The following LAMA2 variants were observed in gnomAD, a reference collection of about 807,000 sequenced individuals.
LAMA2 encodes laminin subunit alpha-2.
Under a neutral mutation model 364.8 loss-of-function variants are expected in LAMA2, and 269 were observed. That is an observed-to-expected ratio of 0.74 (90% CI 0.67 to 0.82). The LOEUF (loss-of-function observed/expected upper bound fraction) is 0.82. Among genes scored for constraint, LAMA2 ranks in the 40% least tolerant of loss-of-function variants. The probability of loss-of-function intolerance (pLI) is 0.00; values close to 1 mark genes in which losing one functional copy is unlikely to be tolerated. For synonymous variants in LAMA2, 1,379 were observed against 1,370.6 expected, an observed-to-expected ratio of 1.01 and a Z score of -0.14; for missense variants, 3,807 against 3,873.2, an observed-to-expected ratio of 0.98 and a Z score of 0.45.
At chr6:128,961,475 A>G (rs1275340757) in intron 1 of LAMA2, among the ~76,000 whole-genome samples, 1 of 148,604 alleles carries the variant, frequency 6.7e-6, no homozygotes, top group African/African-American at 2.5e-5. Flanking sequence ...AGGTCCCACA[A>G]TAGGCTGTCT....
chr6:129,502,750 A>G lies in LAMA2; in HGVS notation c.8336A>G (p.Asp2779Gly), dbSNP rs202202014. The G allele has an allele frequency of 6.2e-7, 1 of 1,612,712 alleles. No homozygotes were observed. The highest frequency in any genetic ancestry group is 2.2e-5 in the East Asian group (1 of 44,844). The change falls in exon 59 of 65, where the codon GAT (aspartate) becomes GGT (glycine). Residue 2779 changes from aspartate (D) to glycine (G), a missense_variant. Physicochemically the swap from Asp to Gly is moderately conservative, Grantham distance 94. Transcript: ENST00000421865. ...AACAGTCACATTGCAATTGCATTTG[A>G]TGACACCAAAGTTAAAAACCGGTAT... ...SRNSHIAIAFDDTKVKNRLTI... is the reference protein window; with the variant it reads ...SRNSHIAIAFGDTKVKNRLTI...
At chr6:129,431,301 A>T (rs1399603479) in intron 41 of LAMA2, among the ~76,000 whole-genome samples, 1 of 150,110 alleles carries the variant, frequency 6.7e-6, no homozygotes, top group African/African-American at 2.4e-5. Context: ...CAGGAGGCTG[A>T]GGTAGGAGAA....
At chr6:129,341,916 G>C (rs1306532345) in intron 29 of LAMA2, among the ~76,000 whole-genome samples, 1 of 152,232 alleles carries the variant, frequency 6.6e-6, no homozygotes, top group Non-Finnish European at 1.5e-5. Flanking sequence ...CCACTAGTGG[G>C]CATGTGCCAA....
chr6:129,199,052 A>C (rs1782019688), intron 12 of LAMA2, among the ~76,000 whole-genome samples: 1 of 152,164 alleles, frequency 6.6e-6, no homozygotes, highest in South Asian at 2.1e-4. Context: ...GACTATGAAG[A>C]AGAAAACCCC....
At chr6:129,140,680 C>T (rs1261835749) in intron 4 of LAMA2, among the ~76,000 whole-genome samples, 1 of 151,980 alleles carries the variant, frequency 6.6e-6, no homozygotes, top group African/African-American at 2.4e-5. Flanking sequence ...TGGAATTACA[C>T]TGTGCTGTGC....
At chr6:129,425,769 C>G (rs1047507055) in intron 40 of LAMA2, among the ~76,000 whole-genome samples, 1 of 152,042 alleles carries the variant, frequency 6.6e-6, no homozygotes, top group Non-Finnish European at 1.5e-5. Flanking sequence ...TGATTGCATT[C>G]GTTTTATGAC....
At chr6:129,017,910 T>C (rs970165610) in intron 1 of LAMA2, among the ~76,000 whole-genome samples, 9 of 152,066 alleles carry the variant, frequency 5.9e-5, no homozygotes, top group African/African-American at 2.2e-4. Flanking sequence ...AATGAAGTTA[T>C]TTTATGTTAG....
chr6:129,510,558 G>T lies in LAMA2; in HGVS notation c.8858-1805G>T, dbSNP rs111846608. On this transcript the variant is annotated intron_variant, in intron 62 of 64. Coordinates refer to ENST00000421865, the MANE Select transcript of LAMA2 (RefSeq NM_000426.4). ...CACATAATATGTGGAGATTATGATG[G>T]GAAACAGAAATAAGTAACATAGTTC... Among the ~76,000 whole-genome samples, 1,264 of 152,000 alleles carry T rather than the reference G, an allele frequency of 8.3e-3. 11 individuals carry two copies. The highest frequency in any genetic ancestry group is 0.014 in the Non-Finnish European group (943 of 67,942).
At position 129,481,478 on chromosome 6, in the gene LAMA2, G is replaced by A. The variant is rs765587894; in HGVS notation, c.7749+39G>A. 4 of 1,516,854 alleles carry A rather than the reference G, an allele frequency of 2.6e-6. No individual in the cohort carries two copies. The South Asian group carries it at 4.5e-5, about 17-fold the overall frequency. The allele number at this position is 1,516,854 out of a possible 1,614,324, so 94.0% of individuals were successfully genotyped here. On this transcript the variant is annotated intron_variant, in intron 55 of 64. Coordinates refer to ENST00000421865, the MANE Select transcript of LAMA2 (RefSeq NM_000426.4). ...TAGCTGATAATGCATTTTCCCTAAT[G>A]CTTATATAAAGCAGTTAACTTACTT... is the stretch of plus-strand genomic sequence containing the variant.
At chr6:129,267,054 C>T (rs1787568546) in intron 15 of LAMA2, 52 bp from the exon 16 acceptor site, 4 of 1,136,350 alleles carry the variant, frequency 3.5e-6, no homozygotes, top group Middle Eastern at 2.0e-4. Flanking sequence ...CAAACAAAAA[C>T]ACCTTTTTGT....
chr6:129,107,436 C>T (rs1183563471), intron 4 of LAMA2, among the ~76,000 whole-genome samples: 1 of 151,994 alleles, frequency 6.6e-6, no homozygotes, highest in Non-Finnish European at 1.5e-5. Flanking sequence ...ACAGCCATAC[C>T]ACATGAGGCC....
intron 29 of LAMA2, among the ~76,000 whole-genome samples, chr6:129,334,328 A>G (rs1443040991): frequency 1.3e-5 from 2 of 152,324 alleles, no homozygotes; most frequent in Middle Eastern, 3.4e-3. Context: ...TTTAACCTGA[A>G]TGAGGTCTTA....
intron 62 of LAMA2, among the ~76,000 whole-genome samples, chr6:129,507,851 A>G (rs1786230504): frequency 6.6e-6 from 1 of 152,232 alleles, no homozygotes; most frequent in South Asian, 2.1e-4. Flanking sequence ...ATAAAGTAAA[A>G]GGTCTATTTA....
In LAMA2 at chr6:129,050,018, A is replaced by G; in HGVS notation, c.213A>G (p.Glu71=). The G allele has an allele frequency of 6.2e-7, 1 of 1,614,172 alleles. No homozygotes were observed. Among genetic ancestry groups the G allele is most frequent in the Non-Finnish European group, 8.5e-7 (1 of 1,180,018 alleles). The change falls in exon 2 of 65, where the codon GAA becomes GAG. Residue 71 remains glutamate (E), a synonymous_variant. Transcript: ENST00000421865. ...KGPEMYCKLV[E]HVPGQPVRNP... Reference sequence around the variant, plus strand: ...CTGAAATGTACTGCAAATTGGTAGAACATGTCCCTGGGCAGCCTGTGAGGA... The same window carrying G: ...CTGAAATGTACTGCAAATTGGTAGAGCATGTCCCTGGGCAGCCTGTGAGGA...
At chr6:129,129,485 C>T (rs1444167395) in intron 4 of LAMA2, among the ~76,000 whole-genome samples, 1 of 152,176 alleles carries the variant, frequency 6.6e-6, no homozygotes, top group African/African-American at 2.4e-5. Context: ...ATCATTTCCT[C>T]TCTTTTTATC....
rs867470252 is a variant in LAMA2, at chr6:128,921,953, C to T, written c.112+38596C>T. On this transcript the variant is annotated intron_variant, in intron 1 of 64. Coordinates refer to ENST00000421865, the MANE Select transcript of LAMA2 (RefSeq NM_000426.4). ...ATTCCCACCTATGAGTGAGAATATG[C>T]GGTGTTTGGTTTTTTGTCCTTGTGA... 5.3e-4 allele frequency among the ~76,000 whole-genome samples: 78 copies of T among 146,684 alleles called. No individual in the cohort carries two copies. The East Asian group carries it at 6.7e-3, about 13-fold the overall frequency.
chr6:129,313,386 G>A (rs770967009), intron 23 of LAMA2, among the ~76,000 whole-genome samples: 2 of 152,050 alleles, frequency 1.3e-5, no homozygotes, highest in Admixed American at 6.5e-5. Context: ...TATTAGATTT[G>A]CTTCGATAAG....
At chr6:129,152,073 A>G (rs1778839232) in intron 7 of LAMA2, among the ~76,000 whole-genome samples, 1 of 152,190 alleles carries the variant, frequency 6.6e-6, no homozygotes, top group Non-Finnish European at 1.5e-5. Flanking sequence ...GGGGATAATA[A>G]CCTTTCTATA....
intron 18 of LAMA2, among the ~76,000 whole-genome samples, chr6:129,284,350 G>A (rs143869330): frequency 9.1e-4 from 139 of 152,144 alleles, no homozygotes; most frequent in African/African-American, 3.3e-3. Flanking sequence ...AAATGTCCTT[G>A]ATTGGGCCTA....
Sources: gnomAD v4.1 joint callset for allele counts (sites outside exome capture counted in the v4.1 genomes callset) on GRCh38, gnomAD v4.1.1 for gene constraint, MANE v1.5 for transcripts, NCBI Gene and HGNC (gene_info 2026-07-23, HGNC 2026-07-21) for gene names.